The following ERO1A variants were observed in gnomAD, a reference collection of about 807,000 sequenced individuals.
ERO1A encodes the protein ERO1-like protein alpha.
A neutral mutation model predicts 76.9 loss-of-function variants in ERO1A; 49 were observed. The observed-to-expected ratio is 0.64, with a 90% CI of 0.51 to 0.81. The LOEUF (loss-of-function observed/expected upper bound fraction) is 0.81, where lower values mean the gene tolerates loss of function less well. Ranked by LOEUF, ERO1A falls within the 30% of genes least tolerant of loss-of-function variation. The pLI, the probability that ERO1A is intolerant of heterozygous loss-of-function variation, is 0.00. For synonymous variants in ERO1A, 174 were observed against 181.2 expected (o/e 0.96, Z 0.32); for missense variants, 448 against 542.1 (o/e 0.83, Z 1.72).
chr14:52,683,574 A>G (rs1332723195), intron 2 of ERO1A, among the ~76,000 whole-genome samples: 1 of 152,192 alleles, frequency 6.6e-6, no homozygotes, highest in East Asian at 1.9e-4. Flanking sequence ...AATTTAACCA[A>G]CTAGATTCTA....
chr14:52,666,247 G>A, intron 7 of ERO1A, 128 bp downstream of exon 7: 1 of 714,706 alleles, frequency 1.4e-6, no homozygotes, highest in East Asian at 2.8e-5. Context: ...GAATAGTCAT[G>A]TTTCCTTGTA....
At position 52,642,523 on chromosome 14, in the gene ERO1A, T is replaced by C. The variant is rs1183068746; in HGVS notation, c.*1047A>G. 6.6e-6 allele frequency: 1 copy of C among 152,204 alleles called. No homozygotes were observed. Among genetic ancestry groups the C allele is most frequent in the Non-Finnish European group, 1.5e-5 (1 of 68,044 alleles). 9.4% of individuals were successfully genotyped at this position (152,204 alleles called of 1,614,324 possible). A position where few individuals can be genotyped will look rare whatever the true frequency, so the allele number is the denominator to read the frequency against. Reference sequence around the variant, plus strand: ...TTATAGTTCCAGAATTGTGGGAGTTTTTTTTTCTGAGAAAATCATTTTTAG... The same window carrying C: ...TTATAGTTCCAGAATTGTGGGAGTTCTTTTTTCTGAGAAAATCATTTTTAG... On this transcript the variant is annotated 3_prime_UTR_variant, in exon 16 of 16. Transcript: ENST00000395686.
At chr14:52,663,652 T>A in intron 8 of ERO1A, 149 bp downstream of exon 8, 1 of 451,226 alleles carries the variant, frequency 2.2e-6, no homozygotes. Context: ...TAAGCACCAA[T>A]CTCTGCAAGC....
chr14:52,647,536 T>C (rs2039712848), intron 13 of ERO1A, among the ~76,000 whole-genome samples: 1 of 152,100 alleles, frequency 6.6e-6, no homozygotes, highest in South Asian at 2.1e-4. Flanking sequence ...CTATATTGAA[T>C]TTGGCATTGT....
At chr14:52,646,104 G>A in intron 15 of ERO1A, 50 bp downstream of exon 15, 1 of 1,566,098 alleles carries the variant, frequency 6.4e-7, no homozygotes, top group Non-Finnish European at 8.7e-7. Flanking sequence ...CATATATGTT[G>A]CATTAGACTT....
intron 11 of ERO1A, among the ~76,000 whole-genome samples, chr14:52,654,126 A>C (rs2139652318): frequency 6.6e-6 from 1 of 152,244 alleles, no homozygotes; most frequent in Non-Finnish European, 1.5e-5. Context: ...TAAATTCATT[A>C]CTGTAAAATC....
intron 1 of ERO1A, 148 bp from the exon 2 acceptor site, chr14:52,684,055 A>G (rs1039276002): frequency 3.1e-5 from 17 of 545,704 alleles, no homozygotes; most frequent in Non-Finnish European, 5.5e-5. Context: ...GGGGTATGAC[A>G]ATAATCTAGT....
chr14:52,666,500 A>G lies in ERO1A; in HGVS notation c.509-5T>C. On this transcript the variant is annotated splice_polypyrimidine_tract_variant and splice_region_variant and intron_variant, in intron 6 of 15. Coordinates refer to ENST00000395686, the MANE Select transcript of ERO1A (RefSeq NM_014584.3). ...CAGCTTCAGGGGACTGAATGTCTGT[A>G]AAATAAAATGTCTTATTAAACCTTT... 1 of 1,603,424 alleles carries G rather than the reference A, an allele frequency of 6.2e-7. No individual in the cohort carries two copies. Among genetic ancestry groups the G allele is most frequent in the Non-Finnish European group, 8.5e-7 (1 of 1,176,162 alleles).
At chr14:52,678,406 G>A (rs1365799583) in intron 4 of ERO1A, 28 bp downstream of exon 4, 1 of 1,597,568 alleles carries the variant, frequency 6.3e-7, no homozygotes, top group Non-Finnish European at 8.6e-7. Flanking sequence ...TTAAGATACT[G>A]GACACATCAA....
intron 11 of ERO1A, among the ~76,000 whole-genome samples, chr14:52,657,038 C>T (rs758893137): frequency 1.4e-4 from 22 of 152,194 alleles, no homozygotes; most frequent in Admixed American, 1.3e-3. Flanking sequence ...GGGGCTGAAG[C>T]AGCTTTCCAT....
At chr14:52,660,169 T>C (rs1275661825) in intron 9 of ERO1A, among the ~76,000 whole-genome samples, 1 of 152,186 alleles carries the variant, frequency 6.6e-6, no homozygotes, top group African/African-American at 2.4e-5. Context: ...CTGAAGTACC[T>C]GTTCTCAAGT....
At chr14:52,662,517 C>T (rs1386597680) in intron 8 of ERO1A, among the ~76,000 whole-genome samples, 2 of 152,128 alleles carry the variant, frequency 1.3e-5, no homozygotes, top group African/African-American at 4.8e-5. Flanking sequence ...GCTAAAAGCA[C>T]ATTAAAGATT....
chr14:52,690,018 G>GT (rs2041303681), intron 1 of ERO1A, among the ~76,000 whole-genome samples: 1 of 152,182 alleles, frequency 6.6e-6, no homozygotes, highest in East Asian at 1.9e-4. Context: ...ACCAAACAAT[G>GT]GGAAAGCACA....
At chr14:52,662,783 C>G (rs761972153) in intron 8 of ERO1A, among the ~76,000 whole-genome samples, 48 of 152,134 alleles carry the variant, frequency 3.2e-4, no homozygotes, top group Non-Finnish European at 6.0e-4. Flanking sequence ...ATGAAGAGAG[C>G]AATTTTCACT....
rs1312401373 is a variant in ERO1A at position 52,642,023 on chromosome 14, CTAA to C, written c.*1544_*1546del. On this transcript the variant is annotated 3_prime_UTR_variant, in exon 16 of 16. Transcript: ENST00000395686. ...TATATAAATAAACCCCACTTTACTA[CTAA>C]TGTGACATTTCAACATGTTATACCT... The C allele has an allele frequency of 1.3e-5, 2 of 152,298 alleles. No individual in the cohort carries two copies. The highest frequency in any genetic ancestry group is 3.4e-3 in the Middle Eastern group (1 of 294). The allele number at this position is 152,298 out of a possible 1,614,324, so 9.4% of individuals were successfully genotyped here.
intron 15 of ERO1A, among the ~76,000 whole-genome samples, chr14:52,643,852 C>T (rs185100458): frequency 3.0e-4 from 46 of 152,250 alleles, no homozygotes; most frequent in Admixed American, 1.3e-3. Context: ...TATTTAAATA[C>T]ATATGCCAGG....
At chr14:52,682,605 A>G (rs1230250949) in intron 2 of ERO1A, among the ~76,000 whole-genome samples, 197 bp from the exon 3 acceptor site, 1 of 152,212 alleles carries the variant, frequency 6.6e-6, no homozygotes, top group African/African-American at 2.4e-5. Flanking sequence ...TTGGTTAGAA[A>G]GACACAGACT....
At chr14:52,685,706 T>C (rs989186195) in intron 1 of ERO1A, among the ~76,000 whole-genome samples, 1 of 152,184 alleles carries the variant, frequency 6.6e-6, no homozygotes, top group African/African-American at 2.4e-5. Flanking sequence ...AAATATATCT[T>C]CAAGCCTCAG....
chr14:52,644,108 C>A (rs1449322114), intron 15 of ERO1A, among the ~76,000 whole-genome samples: 1 of 152,072 alleles, frequency 6.6e-6, no homozygotes, highest in Non-Finnish European at 1.5e-5. Context: ...CCACTGCACT[C>A]CAGCCTGGGC....
Sources: gnomAD v4.1 joint callset for allele counts (sites outside exome capture counted in the v4.1 genomes callset) on GRCh38, gnomAD v4.1.1 for gene constraint, MANE v1.5 for transcripts, NCBI Gene and HGNC (gene_info 2026-07-23, HGNC 2026-07-21) for gene names.